RAB3C: variants seen among roughly 807,000 people sequenced by gnomAD.
RAB3C encodes the protein ras-related protein Rab-3C.
Under a neutral mutation model 26.4 loss-of-function variants are expected in RAB3C, and 17 were observed. The observed-to-expected ratio is 0.64, with a 90% CI of 0.44 to 0.97. The LOEUF is 0.97. Ranked by LOEUF, RAB3C falls within the 50% of genes least tolerant of loss-of-function variation. The pLI, the probability that RAB3C is intolerant of heterozygous loss-of-function variation, is 0.00. For missense variants in RAB3C, 242 were observed against 281.9 expected (o/e 0.86, Z 1.01); for synonymous variants, 91 against 95.9 (o/e 0.95, Z 0.30).
chr5:58,786,907 A>C (rs868109725), intron 3 of RAB3C, among the ~76,000 whole-genome samples: 1 of 151,688 alleles, frequency 6.6e-6, no homozygotes, highest in Admixed American at 6.6e-5. Context: ...CAGCGCGTCC[A>C]GAAGTAGAAA....
At chr5:58,828,492 C>A (rs1170016339) in intron 4 of RAB3C, among the ~76,000 whole-genome samples, 1 of 152,234 alleles carries the variant, frequency 6.6e-6, no homozygotes, top group Non-Finnish European at 1.5e-5. Context: ...TCTCTACACC[C>A]TCCCTTGGAT....
chr5:58,615,985 GACAC>G (rs58004467), intron 1 of RAB3C, among the ~76,000 whole-genome samples: 32 of 149,648 alleles, frequency 2.1e-4, no homozygotes, highest in African/African-American at 3.7e-4. Flanking sequence ...CACACACACA[GACAC>G]ACACACACAC....
intron 4 of RAB3C, among the ~76,000 whole-genome samples, chr5:58,848,014 G>A (rs1403941874): frequency 6.6e-6 from 1 of 151,988 alleles, no homozygotes; most frequent in Non-Finnish European, 1.5e-5. Flanking sequence ...ATGCCACAAC[G>A]CCTGGCTAAT....
chr5:58,623,494 C>T (rs959190153), intron 2 of RAB3C, among the ~76,000 whole-genome samples: 2 of 152,230 alleles, frequency 1.3e-5, no homozygotes, highest in Admixed American at 6.5e-5. Flanking sequence ...TCCCCCATCA[C>T]ATTTCTTCTA....
intron 3 of RAB3C, among the ~76,000 whole-genome samples, chr5:58,731,088 C>T (rs551887959): frequency 8.5e-5 from 13 of 152,150 alleles, no homozygotes; most frequent in African/African-American, 2.6e-4. Flanking sequence ...TCCCATGACA[C>T]GTGGGAATTA....
At position 58,656,318 on chromosome 5, in the gene RAB3C, A is replaced by T. The variant is rs1450058385; in HGVS notation, c.252+38448A>T. Among the ~76,000 whole-genome samples the T allele has an allele frequency of 2.6e-5, 4 of 152,294 alleles. No homozygotes were observed. In the East Asian group the frequency reaches 7.7e-4, roughly 30 times the overall value. ...TTTTTCAGCATGGTGACTATAACTA[A>T]TCATAATGTACTTTGTATTTGACAG... On this transcript the variant is annotated intron_variant, in intron 2 of 4. Transcript: ENST00000282878.
At chr5:58,622,548 G>A (rs757906152) in intron 2 of RAB3C, among the ~76,000 whole-genome samples, 6 of 152,128 alleles carry the variant, frequency 3.9e-5, no homozygotes, top group Non-Finnish European at 7.4e-5. Flanking sequence ...TCTCACTACA[G>A]GATTGGTATA....
chr5:58,628,957 G>A (rs1747125997), intron 2 of RAB3C, among the ~76,000 whole-genome samples: 1 of 149,288 alleles, frequency 6.7e-6, no homozygotes, highest in Non-Finnish European at 1.5e-5. Context: ...GGGAGGTGGA[G>A]GCGAGAGGAT....
intron 3 of RAB3C, among the ~76,000 whole-genome samples, chr5:58,804,810 C>T (rs1742897544): frequency 6.6e-6 from 1 of 151,900 alleles, no homozygotes; most frequent in African/African-American, 2.4e-5. Context: ...CATGACTCCT[C>T]TATGAGAAAC....
At chr5:58,783,362 T>C (rs1742310257) in intron 3 of RAB3C, among the ~76,000 whole-genome samples, 1 of 152,194 alleles carries the variant, frequency 6.6e-6, no homozygotes, top group African/African-American at 2.4e-5. Flanking sequence ...TCATTCAAAA[T>C]AATGAATATC....
At chr5:58,740,423 AGCTCAGCCACCAT>A (rs1561306379) in intron 3 of RAB3C, among the ~76,000 whole-genome samples, 1 of 152,138 alleles carries the variant, frequency 6.6e-6, no homozygotes, top group East Asian at 1.9e-4. Flanking sequence ...CTGTGTTGGG[AGCTCAGCCACCAT>A]GTTCATGGGT....
intron 4 of RAB3C, among the ~76,000 whole-genome samples, chr5:58,844,793 T>C (rs1743952431): frequency 6.6e-6 from 1 of 152,208 alleles, no homozygotes; most frequent in African/African-American, 2.4e-5. Context: ...TAGTGGCTAT[T>C]TCCTCTCTAC....
intron 1 of RAB3C, among the ~76,000 whole-genome samples, chr5:58,610,194 C>CTCTGTGTGTGTGTGTGTGTG (rs1746668435): frequency 7.0e-6 from 1 of 143,386 alleles, no homozygotes; most frequent in South Asian, 2.3e-4. Flanking sequence ...TTTTGTTTTT[C>CTCTGTGTGTGTGTGTGTGTG]TGTGTGTGTG....
At chr5:58,661,815 T>G (rs974105204) in intron 2 of RAB3C, among the ~76,000 whole-genome samples, 1 of 149,228 alleles carries the variant, frequency 6.7e-6, no homozygotes, top group Non-Finnish European at 1.5e-5. Context: ...ATGATATTAT[T>G]ATGTATGCAC....
intron 2 of RAB3C, among the ~76,000 whole-genome samples, chr5:58,724,987 G>T (rs993165089): frequency 6.6e-6 from 1 of 151,832 alleles, no homozygotes; most frequent in African/African-American, 2.4e-5. Flanking sequence ...CACCACAATT[G>T]TACAGTATTG....
chr5:58,590,759 G>A (rs1746112528), intron 1 of RAB3C, among the ~76,000 whole-genome samples: 1 of 152,094 alleles, frequency 6.6e-6, no homozygotes, highest in Admixed American at 6.6e-5. Flanking sequence ...TGGCCAGGCT[G>A]GTCTTGAACT....
chr5:58,618,208 C>A (rs992481107), intron 2 of RAB3C, among the ~76,000 whole-genome samples: 2 of 152,166 alleles, frequency 1.3e-5, no homozygotes, highest in Non-Finnish European at 2.9e-5. Context: ...AAGTCTGTGA[C>A]TCCTTCTCTG....
At position 58,617,090 on chromosome 5, in the gene RAB3C, T is replaced by C. The variant is rs149642526; in HGVS notation, c.25-553T>C. Among the ~76,000 whole-genome samples the C allele has an allele frequency of 6.9e-3, 1,049 of 152,306 alleles. 4 individuals are homozygous for C. Among genetic ancestry groups the C allele is most frequent in the African/African-American group, 0.022 (923 of 41,568 alleles). ...TTAGTATCCGGCACATTGTTTGAACTATATATATTTGCCATCATAATTATT... is the reference window on the plus strand; with the variant it reads ...TTAGTATCCGGCACATTGTTTGAACCATATATATTTGCCATCATAATTATT... On this transcript the variant is annotated intron_variant, in intron 1 of 4. Transcript: ENST00000282878.
intron 4 of RAB3C, among the ~76,000 whole-genome samples, chr5:58,846,632 G>A (rs879278372): frequency 6.6e-6 from 1 of 152,022 alleles, no homozygotes; most frequent in Non-Finnish European, 1.5e-5. Context: ...TCCCACCGTG[G>A]CCTCCCAAAG....
Sources: gnomAD v4.1 joint callset for allele counts (sites outside exome capture counted in the v4.1 genomes callset) on GRCh38, gnomAD v4.1.1 for gene constraint, MANE v1.5 for transcripts, NCBI Gene and HGNC (gene_info 2026-07-23, HGNC 2026-07-21) for gene names.